RBMS3: variants seen among roughly 807,000 people sequenced by gnomAD.
RBMS3 encodes the protein RNA-binding motif, single-stranded-interacting protein 3.
Under a neutral mutation model 66.8 loss-of-function variants are expected in RBMS3, and 27 were observed. The ratio of observed to expected loss-of-function variants is 0.40; its 90% CI spans 0.30 to 0.56. RBMS3 has a LOEUF of 0.56. Among genes scored for constraint, RBMS3 ranks in the 20% least tolerant of loss-of-function variants. The pLI is 0.40. For missense variants in RBMS3, 513 were observed against 549.5 expected, an observed-to-expected ratio of 0.93 and a Z score of 0.66; for synonymous variants, 188 against 183.0, an observed-to-expected ratio of 1.03 and a Z score of -0.22.
chr3:29,518,113 A>G (rs1394732219), intron 3 of RBMS3, among the ~76,000 whole-genome samples: 2 of 152,162 alleles, frequency 1.3e-5, no homozygotes, highest in East Asian at 1.9e-4. Flanking sequence ...GCATTCATTC[A>G]CATGCACATG....
chr3:29,307,899 T>G (rs992174913), intron 1 of RBMS3, among the ~76,000 whole-genome samples: 5 of 151,838 alleles, frequency 3.3e-5, no homozygotes, highest in Non-Finnish European at 7.4e-5. Flanking sequence ...ATATATTAAA[T>G]TCATTTTGTT....
intron 4 of RBMS3, among the ~76,000 whole-genome samples, chr3:29,706,979 A>G (rs545740318): frequency 6.6e-6 from 1 of 152,240 alleles, no homozygotes; most frequent in South Asian, 2.1e-4. Flanking sequence ...AGAGATCACT[A>G]TTGCCCCCTT....
chr3:29,789,083 C>CT (rs1275532068), intron 6 of RBMS3, among the ~76,000 whole-genome samples: 1 of 152,010 alleles, frequency 6.6e-6, no homozygotes, highest in Non-Finnish European at 1.5e-5. Context: ...TGAATTGGGC[C>CT]TTTTAAAAAT....
chr3:29,676,336 G>A (rs1180354738), intron 4 of RBMS3, among the ~76,000 whole-genome samples: 1 of 152,028 alleles, frequency 6.6e-6, no homozygotes, highest in East Asian at 1.9e-4. Flanking sequence ...ATTATGAGTT[G>A]ATGGGTACAG....
intron 6 of RBMS3, among the ~76,000 whole-genome samples, chr3:29,817,260 T>C (rs1337696206): frequency 7.0e-6 from 1 of 143,758 alleles, no homozygotes; most frequent in African/African-American, 2.7e-5. Flanking sequence ...CAATCTTGGC[T>C]CACTGCAAAC....
intron 2 of RBMS3, among the ~76,000 whole-genome samples, chr3:29,467,001 T>C (rs1049777475): frequency 5.9e-5 from 9 of 152,196 alleles, no homozygotes; most frequent in Non-Finnish European, 1.5e-5. Flanking sequence ...TTCTGCTAGA[T>C]TACTCTAAAA....
chr3:29,352,733 C>G (rs545375570), intron 1 of RBMS3, among the ~76,000 whole-genome samples: 1 of 151,942 alleles, frequency 6.6e-6, no homozygotes, highest in Non-Finnish European at 1.5e-5. Context: ...CTCTCTTTAT[C>G]CCTCTTGCAC....
intron 12 of RBMS3, among the ~76,000 whole-genome samples, chr3:29,970,967 C>T (rs1235432304): frequency 6.6e-6 from 1 of 152,124 alleles, no homozygotes; most frequent in Admixed American, 6.5e-5. Flanking sequence ...CCTCTCTCCT[C>T]CGTCTTCCCG....
intron 12 of RBMS3, among the ~76,000 whole-genome samples, chr3:29,983,975 A>C (rs1226620862): frequency 6.6e-6 from 1 of 152,090 alleles, no homozygotes; most frequent in Admixed American, 6.5e-5. Flanking sequence ...AGGTTGGGGA[A>C]GTTCTCCTGG....
chr3:29,406,873 A>T (rs1396612415), intron 1 of RBMS3, among the ~76,000 whole-genome samples: 2 of 152,206 alleles, frequency 1.3e-5, no homozygotes, highest in Non-Finnish European at 2.9e-5. Context: ...AATAGGCAGA[A>T]TTTTTAAATT....
At chr3:29,395,327 G>A (rs2039497599) in intron 1 of RBMS3, among the ~76,000 whole-genome samples, 1 of 152,186 alleles carries the variant, frequency 6.6e-6, no homozygotes. Context: ...ATTTGTGTGT[G>A]AGTGTGTTTT....
intron 1 of RBMS3, among the ~76,000 whole-genome samples, chr3:29,342,041 T>C (rs984269359): frequency 6.6e-6 from 1 of 152,128 alleles, no homozygotes; most frequent in Non-Finnish European, 1.5e-5. Context: ...GGAGATACAG[T>C]TGGAGTAGCT....
At chr3:29,780,045 G>A (rs1408371121) in intron 6 of RBMS3, among the ~76,000 whole-genome samples, 4 of 151,784 alleles carry the variant, frequency 2.6e-5, no homozygotes. Context: ...TTCTGGAGAA[G>A]CATCCATTTT....
intron 4 of RBMS3, among the ~76,000 whole-genome samples, chr3:29,687,166 A>C (rs1265783959): frequency 6.6e-6 from 1 of 152,188 alleles, no homozygotes; most frequent in Non-Finnish European, 1.5e-5. Context: ...TTTATGCAAA[A>C]TATTCTAAGT....
At chr3:29,936,016 A>G in intron 10 of RBMS3, 70 bp from the exon 11 acceptor site, 1 of 1,224,810 alleles carries the variant, frequency 8.2e-7, no homozygotes, top group Non-Finnish European at 1.2e-6. Flanking sequence ...TACAATTTAC[A>G]GTGTTTATTT....
At chr3:29,723,525 C>G (rs1479911447) in intron 4 of RBMS3, among the ~76,000 whole-genome samples, 1 of 152,158 alleles carries the variant, frequency 6.6e-6, no homozygotes, top group African/African-American at 2.4e-5. Context: ...GATGCTCAGA[C>G]AGTTTAAATA....
chr3:29,737,537 C>A (rs1005343078), intron 4 of RBMS3, among the ~76,000 whole-genome samples: 2 of 152,066 alleles, frequency 1.3e-5, no homozygotes, highest in African/African-American at 4.8e-5. Flanking sequence ...GTCTCCATTT[C>A]CTCATTATCC....
rs548098275 is a variant in RBMS3 at position 29,906,196 on chromosome 3, T to C, written c.939+6441T>C. 1.5e-3 allele frequency among the ~76,000 whole-genome samples: 223 copies of C among 152,178 alleles called. 3 individuals carry two copies. The highest frequency in any genetic ancestry group is 4.8e-3 in the African/African-American group (199 of 41,538). On this transcript the variant is annotated intron_variant, in intron 10 of 14. Coordinates refer to ENST00000383767, the MANE Select transcript of RBMS3 (RefSeq NM_001003793.3). The stretch of plus-strand genomic sequence containing the variant: ...TCCTGGCATCTTAGTATTTTTGTTA[T>C]TATATGTTTTAGTTTTTTGCTGTGG...
chr3:29,458,890 A>G (rs2042281328), intron 2 of RBMS3, among the ~76,000 whole-genome samples: 1 of 152,218 alleles, frequency 6.6e-6, no homozygotes, highest in African/African-American at 2.4e-5. Flanking sequence ...ACTTCTTACA[A>G]ACATTTAGTG....
Sources: gnomAD v4.1 joint callset for allele counts (sites outside exome capture counted in the v4.1 genomes callset) on GRCh38, gnomAD v4.1.1 for gene constraint, MANE v1.5 for transcripts, NCBI Gene and HGNC (gene_info 2026-07-23, HGNC 2026-07-21) for gene names.